MIDEAS: variants seen among roughly 807,000 people sequenced by gnomAD.
MIDEAS encodes the protein mitotic deacetylase-associated SANT domain protein.
A neutral mutation model predicts 102.7 loss-of-function variants in MIDEAS; 26 were observed. That is an observed-to-expected ratio of 0.25 (90% CI 0.19 to 0.35). The LOEUF (loss-of-function observed/expected upper bound fraction) is 0.35. Among genes scored for constraint, MIDEAS ranks in the 10% least tolerant of loss-of-function variants. MIDEAS has a pLI of 1.00. For synonymous variants in MIDEAS, 585 were observed against 591.0 expected (o/e 0.99, Z 0.15); for missense variants, 1,231 against 1,435.6 (o/e 0.86, Z 2.30).
At chr14:73,726,325 A>G (rs1259728414) in intron 7 of MIDEAS, among the ~76,000 whole-genome samples, 1 of 152,170 alleles carries the variant, frequency 6.6e-6, no homozygotes, top group Non-Finnish European at 1.5e-5. Context: ...CATGGCCCCA[A>G]GGGAGGCAGC....
At chr14:73,783,542 G>A (rs1440054155) in intron 1 of MIDEAS, among the ~76,000 whole-genome samples, 1 of 152,206 alleles carries the variant, frequency 6.6e-6, no homozygotes, top group African/African-American at 2.4e-5. Context: ...ACAGTGGGGA[G>A]CCATTGAAGG....
chr14:73,731,793 GT>G (rs2140110790), intron 3 of MIDEAS, among the ~76,000 whole-genome samples: 1 of 152,338 alleles, frequency 6.6e-6, no homozygotes, highest in South Asian at 2.1e-4. Context: ...GATTGGCTAT[GT>G]TTTGATAACT....
intron 1 of MIDEAS, among the ~76,000 whole-genome samples, chr14:73,781,620 G>T (rs1462672295): frequency 6.6e-6 from 1 of 150,846 alleles, no homozygotes; most frequent in Non-Finnish European, 1.5e-5. Flanking sequence ...TGTAATCCCA[G>T]CTACTCGGGA....
At chr14:73,771,200 C>T (rs2053639090) in intron 1 of MIDEAS, among the ~76,000 whole-genome samples, 1 of 152,218 alleles carries the variant, frequency 6.6e-6, no homozygotes, top group Admixed American at 6.5e-5. Flanking sequence ...CAAGGTCCTA[C>T]TTCAATCTGA....
Position 73,736,165 on chromosome 14 carries a change from AAAAT to A in MIDEAS, c.1749+829_1749+832del, listed in dbSNP as rs572358855. On this transcript the variant is annotated intron_variant, in intron 3 of 12. Coordinates refer to ENST00000423556, the MANE Select transcript of MIDEAS (RefSeq NM_001367710.1). Reference sequence around the variant, plus strand: ...AAACTCTATCTCAAAAAAATAAAATAAAATAAATAAGAATAAAATGAGAATAAAA... The same window carrying A: ...AAACTCTATCTCAAAAAAATAAAATAAAATAAGAATAAAATGAGAATAAAA... Among the ~76,000 whole-genome samples the A allele has an allele frequency of 1.8e-4, 28 of 152,326 alleles. No individual in the cohort carries two copies. The East Asian group carries it at 5.4e-3, about 29-fold the overall frequency.
At chr14:73,772,335 G>A (rs1264043552) in intron 1 of MIDEAS, among the ~76,000 whole-genome samples, 3 of 152,160 alleles carry the variant, frequency 2.0e-5, no homozygotes, top group Non-Finnish European at 4.4e-5. Context: ...ACACACACAT[G>A]CTCTACCCAT....
At position 73,721,515 on chromosome 14, in the gene MIDEAS, G is replaced by T; in HGVS notation, c.2725-6C>A. ...CTTGGGAACTTTTGGGAAGTCTATG[G>T]GGAACAAGAACAAGGGCAGTGAGCC... On this transcript the variant is annotated splice_region_variant and splice_polypyrimidine_tract_variant and intron_variant, in intron 10 of 12. Transcript: ENST00000423556. The T allele has an allele frequency of 6.2e-7, 1 of 1,613,370 alleles. No homozygotes were observed.
Position 73,726,991 on chromosome 14 carries a change from CA to C in MIDEAS, c.2163-20del. The C allele has an allele frequency of 6.4e-7, 1 of 1,572,430 alleles. No individual in the cohort carries two copies. The highest frequency in any genetic ancestry group is 1.1e-5 in the South Asian group (1 of 88,014). ...GATCCGTCTAGAGGAGTGAAAAGGG[CA>C]GGAAGTGAGGCCTCACCTTGCGGGG... On this transcript the variant is annotated intron_variant, in intron 5 of 12. Coordinates refer to ENST00000423556, the MANE Select transcript of MIDEAS (RefSeq NM_001367710.1).
intron 1 of MIDEAS, among the ~76,000 whole-genome samples, chr14:73,744,663 C>T (rs1218956291): frequency 6.6e-6 from 1 of 152,004 alleles, no homozygotes; most frequent in African/African-American, 2.4e-5. Flanking sequence ...CTGCCCTGTC[C>T]ACAAGTCCCT....
chr14:73,719,476 C>G lies in MIDEAS; in HGVS notation c.2963G>C (p.Ser988Thr). 1 of 1,613,890 alleles carries G rather than the reference C, an allele frequency of 6.2e-7. No individual in the cohort carries two copies. The highest frequency in any genetic ancestry group is 1.1e-5 in the South Asian group (1 of 90,978). The change falls in exon 12 of 13, where the codon AGC (serine) becomes ACC (threonine). Residue 988 changes from serine (S) to threonine (T), a missense_variant. This residue lies in a region of MIDEAS where 391 missense variants were observed against 483.0 expected (regional missense o/e 0.81). Coordinates refer to ENST00000423556, the MANE Select transcript of MIDEAS (RefSeq NM_001367710.1). ...ESASDILILR[S>T]HESNAPGSAG... The stretch of plus-strand genomic sequence containing the variant: ...AGACCCAGGGGCGTTGGACTCGTGG[C>G]TCCGGAGGATGAGGATGTCACTGGC...
At chr14:73,769,912 TTG>T (rs200009782) in intron 1 of MIDEAS, among the ~76,000 whole-genome samples, 2,295 of 136,892 alleles carry the variant, frequency 0.017, 72 homozygotes, top group African/African-American at 0.06. Context: ...GTTTTTTTTT[TTG>T]TTTTTTTTTT....
At chr14:73,727,552 T>C (rs776700075) in intron 4 of MIDEAS, 28 bp from the exon 5 acceptor site, 4 of 1,579,296 alleles carry the variant, frequency 2.5e-6, no homozygotes, top group Admixed American at 1.8e-5. Context: ...GGTTGATAAA[T>C]AGCACCCCCC....
chr14:73,726,955 G>A lies in MIDEAS; in HGVS notation c.2180C>T (p.Ser727Phe), dbSNP rs750603145. 5 of 1,612,198 alleles carry A rather than the reference G, an allele frequency of 3.1e-6. No homozygotes were observed. The highest frequency in any genetic ancestry group is 1.7e-5 in the Admixed American group (1 of 59,904). ...CAAGGGGATTTCTGCCTGGAACCGG[G>A]AGCCCACGTTGATCCGTCTAGAGGA... is the stretch of plus-strand genomic sequence containing the variant. ...VSIEPRINVGSRFQAEIPLMR... is the reference protein window; with the variant it reads ...VSIEPRINVGFRFQAEIPLMR... The change falls in exon 6 of 13, where the codon TCC becomes TTC. Residue 727 changes from serine (S) to phenylalanine (F), a missense_variant. Physicochemically the swap from Ser to Phe is radical, Grantham distance 155 (BLOSUM62 -2). Around this residue, in one of 5 missense-constraint regions of MIDEAS, gnomAD observed 391 missense variants for 483.0 expected, o/e 0.81. Transcript: ENST00000423556.
In MIDEAS at chr14:73,715,990, C is replaced by T. The variant is rs1285830413; in HGVS notation, c.*2853G>A. 1 of 152,310 alleles carries T rather than the reference C, an allele frequency of 6.6e-6. No individual in the cohort carries two copies. Among genetic ancestry groups the T allele is most frequent in the African/African-American group, 2.4e-5 (1 of 41,408 alleles). The allele number at this position is 152,310 out of a possible 1,614,324, so 9.4% of individuals were successfully genotyped here. ...TGCAACACAGGCACTAGGTCAGTTT[C>T]CCGCCCTTAGCTGAATGCAGATGGA... On this transcript the variant is annotated 3_prime_UTR_variant, in exon 13 of 13. Transcript: ENST00000423556.
In MIDEAS at chr14:73,737,211, G is replaced by A. The variant is rs761156917; in HGVS notation, c.1536C>T (p.Ala512=). 2 of 1,614,170 alleles carry A rather than the reference G, an allele frequency of 1.2e-6. No individual in the cohort carries two copies. The highest frequency in any genetic ancestry group is 2.2e-5 in the East Asian group (1 of 44,874). The change falls in exon 3 of 13, where the codon GCC becomes GCT. Residue 512 remains alanine (A), a synonymous_variant. Coordinates refer to ENST00000423556, the MANE Select transcript of MIDEAS (RefSeq NM_001367710.1). Reference sequence around the variant, plus strand: ...CACTGTCTTCTCGTGCTCGCTTGGTGGCTAAGGAAGGCTCAGAAAACTCCA... The same window carrying A: ...CACTGTCTTCTCGTGCTCGCTTGGTAGCTAAGGAAGGCTCAGAAAACTCCA... ...CGVEFSEPSL[A]TKRAREDSGM... is the part of the protein sequence containing the mutation.
chr14:73,779,821 C>T (rs905234479), intron 1 of MIDEAS, among the ~76,000 whole-genome samples: 3 of 148,712 alleles, frequency 2.0e-5, no homozygotes, highest in Non-Finnish European at 4.5e-5. Context: ...TCATGATCCA[C>T]CCGCCTCGGC....
chr14:73,777,834 G>A (rs1257469959), intron 1 of MIDEAS, among the ~76,000 whole-genome samples: 3 of 151,918 alleles, frequency 2.0e-5, no homozygotes, highest in Admixed American at 1.3e-4. Context: ...TCCTCTGAGC[G>A]CAGGAGCCCC....
intron 1 of MIDEAS, among the ~76,000 whole-genome samples, chr14:73,766,722 T>C (rs1051902674): frequency 2.0e-5 from 3 of 152,016 alleles, no homozygotes; most frequent in Non-Finnish European, 4.4e-5. Context: ...GCTAAATTTT[T>C]TGTATTTTTA....
Position 73,726,835 on chromosome 14 carries a change from C to T in MIDEAS, c.2300G>A (p.Arg767Lys). ...GCCCCCAGGCCCCTCCTCACCTTGC[C>T]TCTGCTTCTCCCGGCTGCTCTCTAG... is the stretch of plus-strand genomic sequence containing the variant. ...EDLESSREKQRQVEDLLTAAC... is the reference protein window; with the variant it reads ...EDLESSREKQKQVEDLLTAAC... Residue 767 changes from arginine to lysine, a missense_variant, in exon 6 of 13, where the codon AGG becomes AAG. Coordinates refer to ENST00000423556, the MANE Select transcript of MIDEAS (RefSeq NM_001367710.1). The T allele has an allele frequency of 6.2e-7, 1 of 1,609,506 alleles. No individual in the cohort carries two copies. The highest frequency in any genetic ancestry group is 8.5e-7 in the Non-Finnish European group (1 of 1,176,582).
Sources: allele counts gnomAD v4.1 joint callset (sites outside exome capture counted in the v4.1 genomes callset), GRCh38; gene constraint gnomAD v4.1.1; regional missense constraint gnomAD v4.1.1; transcripts MANE v1.5; gene names NCBI Gene and HGNC (gene_info 2026-07-23, HGNC 2026-07-21).